Variants in SORCS1 observed in about 807,000 individuals in gnomAD.
SORCS1 encodes sortilin related VPS10 domain containing receptor 1.
Under a neutral mutation model 146.1 loss-of-function variants are expected in SORCS1, and 60 were observed. The ratio of observed to expected loss-of-function variants is 0.41; its 90% confidence interval spans 0.33 to 0.51. The LOEUF is 0.51. SORCS1 is among the 20% of genes least tolerant of loss of function. SORCS1 has a pLI of 0.21. For synonymous variants in SORCS1, 637 were observed against 584.0 expected (o/e 1.09, Z -1.31); for missense variants, 1,352 against 1,487.6 (o/e 0.91, Z 1.50).
In SORCS1 at chr10:106,750,935, C is replaced by CT. The variant is rs1457017808; in HGVS notation, c.959+10652_959+10653insA. Among the ~76,000 whole-genome samples, 3 of 131,962 alleles carry CT rather than the reference C, an allele frequency of 2.3e-5. 1 individual carries two copies. The highest frequency in any genetic ancestry group is 4.9e-5 in the Non-Finnish European group (3 of 61,292). The allele number at this position is 131,962 out of a possible 152,430, so 86.6% of individuals were successfully genotyped here. On this transcript the variant is annotated intron_variant, in intron 5 of 25. Coordinates refer to ENST00000263054, the MANE Select transcript of SORCS1 (RefSeq NM_052918.5). ...ATCAGCTGGGCGTGGTGGCGGGCGC[C>CT]GTAGTCCCAGCTACTAGGGAGGCTG...
In SORCS1 at chr10:106,576,092, C is replaced by T. The variant is rs1010005581; in HGVS notation, c.*1328G>A. 4 of 152,176 alleles carry T rather than the reference C, an allele frequency of 2.6e-5. No individual in the cohort carries two copies. Among genetic ancestry groups the T allele is most frequent in the Admixed American group, 6.5e-5 (1 of 15,272 alleles). 9.4% of individuals were successfully genotyped at this position (152,176 alleles called of 1,614,324 possible). ...ATTACTTTGCATATATCAACTCTTT[C>T]GCATACAGTATATGTTTCCAGGTGG... On this transcript the variant is annotated 3_prime_UTR_variant, in exon 26 of 26. Transcript: ENST00000263054.
At chr10:107,022,019 T>C (rs543874484) in intron 1 of SORCS1, among the ~76,000 whole-genome samples, 2 of 152,128 alleles carry the variant, frequency 1.3e-5, no homozygotes, top group South Asian at 2.1e-4. Flanking sequence ...ATCTCCAATA[T>C]TGAGCAATTA....
At chr10:107,061,764 A>C (rs1961253335) in intron 1 of SORCS1, among the ~76,000 whole-genome samples, 1 of 152,216 alleles carries the variant, frequency 6.6e-6, no homozygotes, top group Admixed American at 6.5e-5. Context: ...ATGTTAAAAT[A>C]ACTTAAAATT....
intron 19 of SORCS1, among the ~76,000 whole-genome samples, chr10:106,623,744 C>T (rs897845313): frequency 2.6e-5 from 4 of 152,188 alleles, no homozygotes; most frequent in Non-Finnish European, 5.9e-5. Context: ...CAGCTCACTG[C>T]AACCTCCACC....
At chr10:106,813,128 C>CTTTTTTTT (rs71025557) in intron 3 of SORCS1, among the ~76,000 whole-genome samples, 176 of 98,694 alleles carry the variant, frequency 1.8e-3, no homozygotes, top group Non-Finnish European at 2.4e-3. Context: ...CTTCTCTTTT[C>CTTTTTTTT]TTTTTTTTTT....
intron 3 of SORCS1, among the ~76,000 whole-genome samples, chr10:106,803,112 C>A (rs144618827): frequency 2.0e-3 from 311 of 152,218 alleles, no homozygotes; most frequent in Non-Finnish European, 3.8e-3. Context: ...TATGTTGACA[C>A]GACACCAACC....
chr10:106,799,111 C>T (rs1213415529), intron 3 of SORCS1, among the ~76,000 whole-genome samples: 1 of 152,110 alleles, frequency 6.6e-6, no homozygotes, highest in Non-Finnish European at 1.5e-5. Flanking sequence ...ACAAACCTGA[C>T]AAAAACAAGA....
intron 1 of SORCS1, among the ~76,000 whole-genome samples, chr10:106,984,356 GC>G (rs1413037576): frequency 6.6e-6 from 1 of 151,076 alleles, no homozygotes; most frequent in Non-Finnish European, 1.5e-5. Context: ...TTTAGACAGA[GC>G]TAAACTTAAT....
chr10:106,912,103 C>A (rs1832239), intron 2 of SORCS1, among the ~76,000 whole-genome samples: 114,639 of 145,584 alleles, frequency 0.79, 46,787 homozygotes, highest in Non-Finnish European at 0.91. Context: ...ACAGATTGAG[C>A]CTCCGTCTCA....
At chr10:106,911,638 G>C (rs991338858) in intron 2 of SORCS1, among the ~76,000 whole-genome samples, 1 of 152,002 alleles carries the variant, frequency 6.6e-6, no homozygotes, top group Non-Finnish European at 1.5e-5. Flanking sequence ...GGCATTTCTC[G>C]GCTGATCCAA....
chr10:106,599,340 C>T (rs1212906770), intron 23 of SORCS1, among the ~76,000 whole-genome samples: 1 of 148,904 alleles, frequency 6.7e-6, no homozygotes, highest in Non-Finnish European at 1.5e-5. Flanking sequence ...TGCACTCCAG[C>T]CTCAGAGACA....
Position 107,042,814 on chromosome 10 carries a change from T to C in SORCS1, c.559-86234A>G, listed in dbSNP as rs139166048. ...TAGTAGAGATGGGGTTTCACCATGTTGGCCAGACTGGTCTGGAACCCCTGA... is the reference window on the plus strand; with the variant it reads ...TAGTAGAGATGGGGTTTCACCATGTCGGCCAGACTGGTCTGGAACCCCTGA... On this transcript the variant is annotated intron_variant, in intron 1 of 25. Transcript: ENST00000263054. Among the ~76,000 whole-genome samples, 1,385 of 152,176 alleles carry C rather than the reference T, an allele frequency of 9.1e-3. 24 individuals are homozygous for C. The highest frequency in any genetic ancestry group is 0.032 in the African/African-American group (1,308 of 41,508).
chr10:106,818,919 A>G (rs1947877538), intron 3 of SORCS1, among the ~76,000 whole-genome samples: 1 of 152,224 alleles, frequency 6.6e-6, no homozygotes, highest in Non-Finnish European at 1.5e-5. Context: ...ATCATGATAC[A>G]TAAGTACTGT....
chr10:106,762,152 C>G (rs949585822), intron 4 of SORCS1, among the ~76,000 whole-genome samples: 2 of 152,098 alleles, frequency 1.3e-5, no homozygotes, highest in Admixed American at 1.3e-4. Context: ...GGGATGCTTT[C>G]CAGATGCTGT....
chr10:106,633,450 C>A (rs1035004819), intron 18 of SORCS1, among the ~76,000 whole-genome samples: 1 of 152,154 alleles, frequency 6.6e-6, no homozygotes, highest in African/African-American at 2.4e-5. Flanking sequence ...GACACATTAA[C>A]CAATCTCTCC....
chr10:106,581,022 G>A (rs1237849209), intron 24 of SORCS1, among the ~76,000 whole-genome samples: 1 of 152,130 alleles, frequency 6.6e-6, no homozygotes, highest in East Asian at 1.9e-4. Context: ...GCCGTGGAAC[G>A]CCCAAGGCAA....
intron 1 of SORCS1, among the ~76,000 whole-genome samples, chr10:107,054,721 A>G (rs190987988): frequency 2.2e-4 from 34 of 152,324 alleles, no homozygotes; most frequent in Non-Finnish European, 2.8e-4. Flanking sequence ...CCAAACAGCA[A>G]ACCACAGGGC....
Position 106,803,120 on chromosome 10 carries a change from A to ACCTAGAAC in SORCS1, c.727-26436_727-26429dup, listed in dbSNP as rs1946993457. ...TGTAACATATGTTGACACGACACCAACCTAGAACGCAGACCTTGGGCCCAA... is the reference window on the plus strand; with the variant it reads ...TGTAACATATGTTGACACGACACCAACCTAGAACCCTAGAACGCAGACCTTGGGCCCAA... On this transcript the variant is annotated intron_variant, in intron 3 of 25. Transcript: ENST00000263054. Among the ~76,000 whole-genome samples, 3 of 152,112 alleles carry ACCTAGAAC rather than the reference A, an allele frequency of 2.0e-5. No homozygotes were observed. In the South Asian group the frequency reaches 6.2e-4, roughly 31 times the overall value.
At chr10:106,848,977 C>G (rs1225613210) in intron 2 of SORCS1, among the ~76,000 whole-genome samples, 1 of 150,898 alleles carries the variant, frequency 6.6e-6, no homozygotes, top group Non-Finnish European at 1.5e-5. Flanking sequence ...ATGGGCTTCC[C>G]TTTGAGGGTA....
Sources: gnomAD v4.1 joint callset for allele counts (sites outside exome capture counted in the v4.1 genomes callset) on GRCh38, gnomAD v4.1.1 for gene constraint, MANE v1.5 for transcripts, NCBI Gene and HGNC (gene_info 2026-07-23, HGNC 2026-07-21) for gene names.